Variants in BBS9 observed in about 807,000 individuals in gnomAD.
BBS9 encodes the protein protein PTHB1.
In BBS9, 89 loss-of-function variants were observed where a neutral mutation model predicts 117.7. The ratio of observed to expected loss-of-function variants is 0.76; its 90% CI spans 0.64 to 0.90. BBS9 has a LOEUF of 0.90. Ranked by LOEUF, BBS9 falls within the 40% of genes least tolerant of loss-of-function variation. The pLI is 0.00. For synonymous variants in BBS9, 379 were observed against 370.9 expected, an observed-to-expected ratio of 1.02 and a Z score of -0.25; for missense variants, 982 against 1,042.2, an observed-to-expected ratio of 0.94 and a Z score of 0.80.
intron 9 of BBS9, among the ~76,000 whole-genome samples, chr7:33,312,840 C>A (rs1809573678): frequency 6.6e-6 from 1 of 152,056 alleles, no homozygotes; most frequent in Admixed American, 6.6e-5. Context: ...ACATTTATTT[C>A]TTTTGTTCAT....
intron 5 of BBS9, among the ~76,000 whole-genome samples, chr7:33,249,939 T>C (rs983811489): frequency 1.3e-5 from 2 of 152,216 alleles, no homozygotes; most frequent in South Asian, 2.1e-4. Flanking sequence ...TGCCAATCTT[T>C]TGCAGTCCAG....
intron 5 of BBS9, among the ~76,000 whole-genome samples, chr7:33,205,312 C>T (rs75832494): frequency 6.6e-6 from 1 of 152,126 alleles, no homozygotes; most frequent in Non-Finnish European, 1.5e-5. Context: ...GAAATCCTTC[C>T]ATATACCTCC....
intron 9 of BBS9, among the ~76,000 whole-genome samples, chr7:33,300,017 G>A (rs2128421360): frequency 6.6e-6 from 1 of 152,294 alleles, no homozygotes; most frequent in Admixed American, 6.5e-5. Context: ...AGCAAGGAAT[G>A]GTGAAGCATC....
intron 9 of BBS9, among the ~76,000 whole-genome samples, chr7:33,282,924 T>C (rs562788120): frequency 5.3e-5 from 8 of 152,342 alleles, no homozygotes; most frequent in African/African-American, 1.9e-4. Context: ...AGCATACTTA[T>C]ATTTTCTTCC....
chr7:33,207,597 T>C (rs77597571), intron 5 of BBS9, among the ~76,000 whole-genome samples: 3,921 of 151,900 alleles, frequency 0.026, 183 homozygotes, highest in African/African-American at 0.09. Flanking sequence ...TCCAGGCTAA[T>C]CTGATACCTA....
At chr7:33,134,400 A>T (rs916936774) in intron 1 of BBS9, among the ~76,000 whole-genome samples, 1 of 151,458 alleles carries the variant, frequency 6.6e-6, no homozygotes, top group Non-Finnish European at 1.5e-5. Flanking sequence ...GGCCATTTGT[A>T]TATCTTACTT....
At chr7:33,174,513 G>A (rs1342274573) in intron 4 of BBS9, among the ~76,000 whole-genome samples, 1 of 152,156 alleles carries the variant, frequency 6.6e-6, no homozygotes, top group Non-Finnish European at 1.5e-5. Flanking sequence ...TACAGAAAAT[G>A]GAATGAGGTA....
intron 5 of BBS9, among the ~76,000 whole-genome samples, chr7:33,195,380 C>T (rs1195296501): frequency 2.6e-5 from 4 of 152,148 alleles, no homozygotes; most frequent in African/African-American, 9.7e-5. Context: ...CTTTAACAAA[C>T]ATGTTAAAGT....
At chr7:33,627,899 C>T (rs777178729) in intron 21 of BBS9, among the ~76,000 whole-genome samples, 2 of 152,068 alleles carry the variant, frequency 1.3e-5, no homozygotes, top group Non-Finnish European at 2.9e-5. Flanking sequence ...AAAGAATTAG[C>T]TGGATGTGGT....
At position 33,534,056 on chromosome 7, in the gene BBS9, A is replaced by G. The variant is rs750828528; in HGVS notation, c.2401A>G (p.Ile801Val). The change falls in exon 21 of 23, where the codon ATA becomes GTA. Residue 801 changes from isoleucine to valine, a missense_variant. Physicochemically the swap from Ile to Val is conservative, Grantham distance 29. Transcript: ENST00000242067. ...QALNLNSQLN[I>V]PKDTSQLKKH... ...TTTGAACCTCAACAGCCAGCTGAACATACCCAAAGACACAAGCCAACTGAA... is the reference window on the plus strand; with the variant it reads ...TTTGAACCTCAACAGCCAGCTGAACGTACCCAAAGACACAAGCCAACTGAA... 1.9e-6 allele frequency: 3 copies of G among 1,614,212 alleles called. No individual in the cohort carries two copies. The highest frequency in any genetic ancestry group is 2.5e-6 in the Non-Finnish European group (3 of 1,180,044).
chr7:33,322,868 T>G (rs995418335), intron 9 of BBS9, among the ~76,000 whole-genome samples: 3 of 152,154 alleles, frequency 2.0e-5, no homozygotes, highest in African/African-American at 7.2e-5. Flanking sequence ...CTGTAGATGC[T>G]TATAGCAGTA....
At chr7:33,155,546 G>A (rs758539911) in intron 3 of BBS9, 92 bp from the exon 4 acceptor site, 5 of 794,610 alleles carry the variant, frequency 6.3e-6, no homozygotes, top group Non-Finnish European at 1.1e-5. Context: ...CAGTGGCTGT[G>A]GTTATGAGAT....
rs1786490966 is a variant in BBS9 at position 33,204,308 on chromosome 7, G to A, written c.442+26717G>A. 2.0e-5 allele frequency among the ~76,000 whole-genome samples: 3 copies of A among 151,512 alleles called. No individual in the cohort carries two copies. In the South Asian group the frequency reaches 6.3e-4, roughly 32 times the overall value. On this transcript the variant is annotated intron_variant, in intron 5 of 22. Coordinates refer to ENST00000242067, the MANE Select transcript of BBS9 (RefSeq NM_198428.3). ...TGTAATCCCAGCTACTTGGGAGGTT[G>A]AGGTAGGAGAATCACTTGAACCTGG...
At chr7:33,547,989 C>T (rs185629703) in intron 21 of BBS9, among the ~76,000 whole-genome samples, 1 of 151,928 alleles carries the variant, frequency 6.6e-6, no homozygotes, top group Non-Finnish European at 1.5e-5. Context: ...AAAGGTCTAC[C>T]ATCAAAGACC....
chr7:33,257,455 G>A lies in BBS9; in HGVS notation c.617+45G>A, dbSNP rs139213483. The A allele has an allele frequency of 2.4e-4, 376 of 1,577,894 alleles. 1 individual carries two copies. In the East Asian group the frequency reaches 2.9e-3, roughly 12 times the overall value. ...CTTCAGAATCATGATTTTTTGGTGC[G>A]TTTGTTGCTGACTAATTTTTGTCCA... On this transcript the variant is annotated intron_variant, in intron 6 of 22. Transcript: ENST00000242067.
intron 20 of BBS9, among the ~76,000 whole-genome samples, chr7:33,527,621 A>T (rs968576649): frequency 5.3e-5 from 8 of 152,148 alleles, no homozygotes; most frequent in Non-Finnish European, 1.2e-4. Context: ...CACGGTGCGC[A>T]CACCCACTGA....
intron 5 of BBS9, among the ~76,000 whole-genome samples, chr7:33,248,855 A>G (rs1795784692): frequency 6.6e-6 from 1 of 152,056 alleles, no homozygotes; most frequent in Non-Finnish European, 1.5e-5. Context: ...TTGACTACCT[A>G]TACAGCTGTT....
chr7:33,208,722 G>A (rs937458683), intron 5 of BBS9, among the ~76,000 whole-genome samples: 1 of 152,084 alleles, frequency 6.6e-6, no homozygotes, highest in Non-Finnish European at 1.5e-5. Flanking sequence ...TATGGATTCA[G>A]TGTGGTTTTA....
chr7:33,471,003 G>C (rs531229925), intron 19 of BBS9, among the ~76,000 whole-genome samples: 3 of 152,164 alleles, frequency 2.0e-5, no homozygotes, highest in Non-Finnish European at 4.4e-5. Flanking sequence ...TCATTTTCCT[G>C]CGGATTATTC....
Sources: allele counts gnomAD v4.1 joint callset (sites outside exome capture counted in the v4.1 genomes callset), GRCh38; gene constraint gnomAD v4.1.1; transcripts MANE v1.5; gene names NCBI Gene and HGNC (gene_info 2026-07-23, HGNC 2026-07-21).